The following HECTD2 variants were observed in gnomAD, a reference collection of about 807,000 sequenced individuals.
HECTD2 encodes the protein HECT domain E3 ubiquitin protein ligase 2.
A neutral mutation model predicts 103.2 loss-of-function variants in HECTD2; 35 were observed. The ratio of observed to expected loss-of-function variants is 0.34; its 90% CI spans 0.26 to 0.45. HECTD2 has a LOEUF of 0.45. Ranked by LOEUF, HECTD2 falls within the 20% of genes least tolerant of loss-of-function variation. HECTD2 has a pLI of 1.00. For synonymous variants in HECTD2, 281 were observed against 329.9 expected (o/e 0.85, Z 1.61); for missense variants, 596 against 937.4 (o/e 0.64, Z 4.76).
At chr10:91,492,548 C>A in intron 13 of HECTD2, 64 bp downstream of exon 13, 2 of 1,232,526 alleles carry the variant, frequency 1.6e-6, no homozygotes. Context: ...GAAGTAGTCA[C>A]CCTTATTTTT....
intron 5 of HECTD2, among the ~76,000 whole-genome samples, chr10:91,475,094 G>A (rs78075614): frequency 0.011 from 1,713 of 152,260 alleles, 36 homozygotes; most frequent in African/African-American, 0.039. Context: ...AAGTTTAATT[G>A]TATGGTAATG....
chr10:91,457,254 G>A (rs911381296), intron 2 of HECTD2, among the ~76,000 whole-genome samples: 1 of 151,862 alleles, frequency 6.6e-6, no homozygotes, highest in Non-Finnish European at 1.5e-5. Context: ...CACCATTTCT[G>A]TACAATCTCT....
intron 5 of HECTD2, among the ~76,000 whole-genome samples, chr10:91,471,221 C>T (rs1260225636): frequency 6.6e-6 from 1 of 152,080 alleles, no homozygotes; most frequent in Admixed American, 6.6e-5. Flanking sequence ...ACACAAAAAC[C>T]ACATGATTAT....
At chr10:91,457,846 T>G in intron 2 of HECTD2, among the ~76,000 whole-genome samples, 1 of 151,940 alleles carries the variant, frequency 6.6e-6, no homozygotes, top group East Asian at 1.9e-4. Context: ...GGCTAAAGAC[T>G]TAGTGCTTTC....
intron 1 of HECTD2, among the ~76,000 whole-genome samples, chr10:91,417,815 G>T (rs1039028645): frequency 6.0e-5 from 9 of 151,092 alleles, no homozygotes; most frequent in African/African-American, 1.7e-4. Flanking sequence ...GAATAGTGCC[G>T]CAATAAACAT....
At chr10:91,504,867 C>A (rs996195780) in intron 20 of HECTD2, among the ~76,000 whole-genome samples, 3 of 152,086 alleles carry the variant, frequency 2.0e-5, no homozygotes, top group South Asian at 4.2e-4. Context: ...ATGTTAAGGG[C>A]AGCCAGAGAG....
intron 1 of HECTD2, among the ~76,000 whole-genome samples, chr10:91,418,142 T>G (rs1843205345): frequency 6.6e-6 from 1 of 152,204 alleles, no homozygotes; most frequent in Non-Finnish European, 1.5e-5. Flanking sequence ...TGAGTCTGCT[T>G]AATGTATTTC....
intron 5 of HECTD2, among the ~76,000 whole-genome samples, chr10:91,468,766 A>C (rs908473781): frequency 3.9e-5 from 6 of 152,092 alleles, no homozygotes; most frequent in African/African-American, 1.4e-4. Context: ...CCCCATCTCT[A>C]CAAAAAAAAA....
intron 1 of HECTD2, among the ~76,000 whole-genome samples, chr10:91,418,679 C>T (rs564449923): frequency 3.1e-4 from 47 of 151,752 alleles, no homozygotes; most frequent in East Asian, 1.9e-3. Context: ...GAAAAAAAAC[C>T]ATACAAAAAG....
Position 91,449,060 on chromosome 10 carries a change from C to T in HECTD2, c.269-11367C>T, listed in dbSNP as rs537740958. 7.4e-5 allele frequency among the ~76,000 whole-genome samples: 11 copies of T among 147,934 alleles called. No individual in the cohort carries two copies. In the South Asian group the frequency reaches 8.9e-4, roughly 12 times the overall value. ...GCATCATCCTGATACCAAAACCTGG[C>T]GGAGACACAACAAAAAAAGAAAATT... On this transcript the variant is annotated intron_variant, in intron 2 of 20. Transcript: ENST00000298068.
At chr10:91,478,023 C>T (rs149453116) in intron 5 of HECTD2, among the ~76,000 whole-genome samples, 178 bp from the exon 6 acceptor site, 1 of 152,138 alleles carries the variant, frequency 6.6e-6, no homozygotes. Flanking sequence ...TTACTGTAAT[C>T]TTATGTCATT....
At chr10:91,457,418 A>G (rs1402006195) in intron 2 of HECTD2, among the ~76,000 whole-genome samples, 3 of 152,118 alleles carry the variant, frequency 2.0e-5, no homozygotes. Flanking sequence ...AGTCCTTGAC[A>G]AAATATTAGC....
chr10:91,444,338 C>T (rs542109235), intron 2 of HECTD2, among the ~76,000 whole-genome samples: 1 of 152,156 alleles, frequency 6.6e-6, no homozygotes, highest in South Asian at 2.1e-4. Flanking sequence ...TTTGGCAGAG[C>T]CTGAGAGTGG....
chr10:91,470,823 A>G (rs551506529), intron 5 of HECTD2, among the ~76,000 whole-genome samples: 75 of 152,220 alleles, frequency 4.9e-4, no homozygotes, highest in Non-Finnish European at 6.2e-4. Context: ...CCCAGAACCA[A>G]GTGGATTCAC....
intron 2 of HECTD2, among the ~76,000 whole-genome samples, chr10:91,452,827 A>G (rs1023924947): frequency 6.6e-6 from 1 of 152,184 alleles, no homozygotes; most frequent in African/African-American, 2.4e-5. Flanking sequence ...CTGTCAATGC[A>G]GAATCCTATA....
At chr10:91,502,237 C>T (rs1404363429) in intron 20 of HECTD2, among the ~76,000 whole-genome samples, 1 of 152,136 alleles carries the variant, frequency 6.6e-6, no homozygotes, top group Non-Finnish European at 1.5e-5. Context: ...TCATTTCTTT[C>T]TATGCTTTAG....
At chr10:91,503,968 A>C (rs933577120) in intron 20 of HECTD2, among the ~76,000 whole-genome samples, 4 of 152,156 alleles carry the variant, frequency 2.6e-5, no homozygotes, top group African/African-American at 4.8e-5. Flanking sequence ...GGTCCCTGAC[A>C]CCTGACCCCC....
At chr10:91,453,748 G>A (rs1844937956) in intron 2 of HECTD2, among the ~76,000 whole-genome samples, 1 of 152,016 alleles carries the variant, frequency 6.6e-6, no homozygotes, top group Non-Finnish European at 1.5e-5. Context: ...TATTGTCAGA[G>A]TAAACCAAAA....
intron 20 of HECTD2, among the ~76,000 whole-genome samples, chr10:91,502,675 GA>G (rs1846950857): frequency 6.6e-6 from 1 of 151,698 alleles, no homozygotes; most frequent in Admixed American, 6.6e-5. Flanking sequence ...AATTCAAGAG[GA>G]TTTTTTTAGA....
Sources: gnomAD v4.1 joint callset for allele counts (sites outside exome capture counted in the v4.1 genomes callset) on GRCh38, gnomAD v4.1.1 for gene constraint, MANE v1.5 for transcripts, NCBI Gene and HGNC (gene_info 2026-07-23, HGNC 2026-07-21) for gene names.